The following GNG7 variants were observed in gnomAD, a reference collection of about 807,000 sequenced individuals.
GNG7 encodes the protein guanine nucleotide-binding protein G(I)/G(S)/G(O) subunit gamma-7.
In GNG7, 1 loss-of-function variant was observed where a neutral mutation model predicts 4.0. The observed-to-expected ratio is 0.25, with a 90% CI of 0.09 to 1.18. The LOEUF is 1.18. Ranked by LOEUF, GNG7 falls within the 50% of genes most tolerant of loss-of-function variation. GNG7 has a pLI of 0.50. For synonymous variants in GNG7, 34 were observed against 36.9 expected (o/e 0.92, Z 0.29); for missense variants, 86 against 91.9 (o/e 0.94, Z 0.26).
intron 2 of GNG7, among the ~76,000 whole-genome samples, chr19:2,588,631 C>T (rs749071189): frequency 3.3e-5 from 5 of 152,170 alleles, no homozygotes; most frequent in African/African-American, 1.2e-4. Context: ...CATTTCAAAC[C>T]GCCTGCTGAC....
At chr19:2,612,799 T>C (rs1301216315) in intron 2 of GNG7, among the ~76,000 whole-genome samples, 1 of 150,162 alleles carries the variant, frequency 6.7e-6, no homozygotes, top group East Asian at 1.9e-4. Flanking sequence ...TTCAAGCAAT[T>C]CTCCTGCCTG....
chr19:2,587,885 AGG>A (rs1980723317), intron 2 of GNG7, among the ~76,000 whole-genome samples: 1 of 151,144 alleles, frequency 6.6e-6, no homozygotes, highest in African/African-American at 2.4e-5. Flanking sequence ...GAAGGAAGGA[AGG>A]AAGGAAAGAA....
intron 3 of GNG7, among the ~76,000 whole-genome samples, chr19:2,532,092 A>G (rs964945837): frequency 6.6e-6 from 1 of 150,612 alleles, no homozygotes; most frequent in Non-Finnish European, 1.5e-5. Context: ...CGGAGCTTGC[A>G]GTGAGCTGAG....
chr19:2,524,873 G>T (rs1465919713), intron 3 of GNG7, among the ~76,000 whole-genome samples: 1 of 152,128 alleles, frequency 6.6e-6, no homozygotes, highest in Non-Finnish European at 1.5e-5. Context: ...TGCGTGCGTG[G>T]GTGTGTACAT....
intron 4 of GNG7, among the ~76,000 whole-genome samples, 185 bp from the exon 5 acceptor site, chr19:2,515,332 G>A (rs1486331913): frequency 6.6e-6 from 1 of 152,196 alleles, no homozygotes; most frequent in Admixed American, 6.5e-5. Flanking sequence ...AAAGGAGTGA[G>A]GCTCTGACAT....
chr19:2,691,279 C>T (rs1265795227), intron 1 of GNG7, among the ~76,000 whole-genome samples: 1 of 152,158 alleles, frequency 6.6e-6, no homozygotes, highest in Non-Finnish European at 1.5e-5. Context: ...CTCAGTAACG[C>T]ATATCCGTAA....
At chr19:2,521,091 TAAAAA>T (rs5826770) in intron 3 of GNG7, among the ~76,000 whole-genome samples, 1 of 141,564 alleles carries the variant, frequency 7.1e-6, no homozygotes, top group Non-Finnish European at 1.5e-5. Context: ...TCATCGTTAC[TAAAAA>T]AAAAAAAAAA....
chr19:2,700,141 T>C (rs1913365004), intron 1 of GNG7, among the ~76,000 whole-genome samples: 1 of 151,658 alleles, frequency 6.6e-6, no homozygotes, highest in Non-Finnish European at 1.5e-5. Flanking sequence ...TCCTTTTTTT[T>C]TTTTTCCTTT....
At chr19:2,517,693 G>C (rs1568228992) in intron 4 of GNG7, among the ~76,000 whole-genome samples, 1 of 152,028 alleles carries the variant, frequency 6.6e-6, no homozygotes, top group Non-Finnish European at 1.5e-5. Flanking sequence ...TAATTTTCTG[G>C]TACAGATGAG....
intron 2 of GNG7, among the ~76,000 whole-genome samples, chr19:2,604,305 A>C (rs1327635286): frequency 6.6e-6 from 1 of 151,834 alleles, no homozygotes; most frequent in African/African-American, 2.4e-5. Context: ...CCCCATCACT[A>C]CAAAAAATAA....
intron 1 of GNG7, among the ~76,000 whole-genome samples, chr19:2,661,048 C>T (rs1983130634): frequency 6.6e-6 from 1 of 151,374 alleles, no homozygotes. Flanking sequence ...CCTGTCTCTA[C>T]TAAAAATACA....
chr19:2,577,740 A>G (rs929198012), intron 2 of GNG7, among the ~76,000 whole-genome samples: 3 of 151,726 alleles, frequency 2.0e-5, no homozygotes, highest in Admixed American at 6.6e-5. Flanking sequence ...AATATTTTAC[A>G]TATTATATAT....
chr19:2,696,230 G>GGAGAGA (rs1179572325), intron 1 of GNG7, among the ~76,000 whole-genome samples: 1 of 145,574 alleles, frequency 6.9e-6, no homozygotes, highest in South Asian at 2.2e-4. Flanking sequence ...AGGAGAGAGA[G>GGAGAGA]GAGAGAGAGA....
At chr19:2,560,132 C>T (rs530033854) in intron 2 of GNG7, among the ~76,000 whole-genome samples, 4 of 152,220 alleles carry the variant, frequency 2.6e-5, no homozygotes, top group Admixed American at 1.3e-4. Context: ...TCTCTCTCTG[C>T]GTGTCCAAGG....
chr19:2,590,258 G>C (rs993441885), intron 2 of GNG7, among the ~76,000 whole-genome samples: 10 of 152,136 alleles, frequency 6.6e-5, no homozygotes, highest in Non-Finnish European at 1.5e-5. Context: ...AAAACTATAA[G>C]AGGTAAGGCA....
rs997691641 is a variant in GNG7, at chr19:2,618,833, C to A, written c.-78+27391G>T. 2.6e-5 allele frequency among the ~76,000 whole-genome samples: 4 copies of A among 152,132 alleles called. No individual in the cohort carries two copies. Among genetic ancestry groups the A allele is most frequent in the African/African-American group, 9.7e-5 (4 of 41,432 alleles). On this transcript the variant is annotated intron_variant, in intron 2 of 4. Transcript: ENST00000382159. The surrounding 1 kb of genome is among the most constrained non-coding windows in gnomAD (Gnocchi z 5.1). Reference sequence around the variant, plus strand: ...CCTTCCTAGTAACCAAATGCCACAGCGATTCAGCTTCCCTCAGTTTTCCCC... The same window carrying A: ...CCTTCCTAGTAACCAAATGCCACAGAGATTCAGCTTCCCTCAGTTTTCCCC...
chr19:2,685,377 A>G (rs8108718), intron 1 of GNG7, among the ~76,000 whole-genome samples: 11,164 of 152,214 alleles, frequency 0.073, 818 homozygotes, highest in African/African-American at 0.19. Context: ...TAATCTCAGC[A>G]CTTTGGGAGG....
rs1224590104 is a variant in GNG7, at chr19:2,686,753, C to CT, written c.-135+15892dup. Among the ~76,000 whole-genome samples the CT allele has an allele frequency of 6.3e-3, 890 of 140,406 alleles. 5 individuals carry two copies. The highest frequency in any genetic ancestry group is 0.012 in the Admixed American group (166 of 13,910). 92.1% of individuals were successfully genotyped at this position (140,406 alleles called of 152,430 possible). A position where few individuals can be genotyped will look rare whatever the true frequency, so the allele number is the denominator to read the frequency against. ...GAGACTTTACTTACTTTTTTTCTTTCTTTTTTTTTTTTTTTTGAGACAGAG... is the reference window on the plus strand; with the variant it reads ...GAGACTTTACTTACTTTTTTTCTTTCTTTTTTTTTTTTTTTTTGAGACAGAG... On this transcript the variant is annotated intron_variant, in intron 1 of 4. Coordinates refer to ENST00000382159, the MANE Select transcript of GNG7 (RefSeq NM_052847.3).
At chr19:2,592,106 G>C (rs913310677) in intron 2 of GNG7, among the ~76,000 whole-genome samples, 2 of 152,140 alleles carry the variant, frequency 1.3e-5, no homozygotes, top group African/African-American at 4.8e-5. Flanking sequence ...GAGATATTTA[G>C]ACAAGGTCAA....
Sources: gnomAD v4.1 joint callset for allele counts (sites outside exome capture counted in the v4.1 genomes callset) on GRCh38, gnomAD v4.1.1 for gene constraint, Gnocchi (gnomAD v3.1) non-coding constraint, MANE v1.5 for transcripts, NCBI Gene and HGNC (gene_info 2026-07-23, HGNC 2026-07-21) for gene names.